The following NAT1 variants were observed in gnomAD, a reference collection of about 807,000 sequenced individuals.
NAT1 encodes the protein N-acetyltransferase 1, also known as arylamine N-acetyltransferase 1.
For missense variants in NAT1, 400 were observed against 339.2 expected (o/e 1.18, Z -1.41); for synonymous variants, 144 against 122.6 (o/e 1.17, Z -1.16).
At chr8:18,198,796 T>C (rs1172040288) in intron 2 of NAT1, among the ~76,000 whole-genome samples, 2 of 152,182 alleles carry the variant, frequency 1.3e-5, no homozygotes. Context: ...CACAGTGAAA[T>C]GGTCACTTCT....
chr8:18,178,846 G>A (rs1802393004), intron 2 of NAT1, among the ~76,000 whole-genome samples: 1 of 152,038 alleles, frequency 6.6e-6, no homozygotes, highest in Admixed American at 6.6e-5. Flanking sequence ...TCAAATTCTA[G>A]AGTTTAGCTG....
intron 2 of NAT1, among the ~76,000 whole-genome samples, chr8:18,180,848 T>G (rs1325264637): frequency 6.6e-6 from 1 of 152,192 alleles, no homozygotes; most frequent in African/African-American, 2.4e-5. Flanking sequence ...TTCTTTGTTC[T>G]GCTCCATTAG....
intron 2 of NAT1, among the ~76,000 whole-genome samples, chr8:18,193,148 G>A (rs1330810462): frequency 7.4e-6 from 1 of 136,054 alleles, no homozygotes; most frequent in African/African-American, 2.8e-5. Context: ...ATGCAATCAC[G>A]GCTCACTGTA....
chr8:18,211,671 G>C (rs1055078252), intron 1 of NAT1, among the ~76,000 whole-genome samples: 1 of 152,162 alleles, frequency 6.6e-6, no homozygotes, highest in Non-Finnish European at 1.5e-5. Flanking sequence ...GATGGTCTTT[G>C]GGTGCGGCTA....
intron 1 of NAT1, among the ~76,000 whole-genome samples, chr8:18,217,264 G>C (rs901432671): frequency 6.6e-6 from 1 of 152,072 alleles, no homozygotes; most frequent in Non-Finnish European, 1.5e-5. Context: ...TCTTAGTGAT[G>C]GGCATTGGGA....
rs199781371 is a variant in NAT1, at chr8:18,172,210, A to AAC, written n.92+1474_92+1475dup. On this transcript the variant is annotated intron_variant and non_coding_transcript_variant, in intron 2 of 4. Transcript: ENST00000517441. Reference sequence around the variant, plus strand: ...CTTTGTGTTAATGGGTCTTAAGCCAAACACTAGAAGAAGAGAATAGCAGGC... The same window carrying AAC: ...CTTTGTGTTAATGGGTCTTAAGCCAAACACACTAGAAGAAGAGAATAGCAGGC... Among the ~76,000 whole-genome samples, 1,262 of 152,286 alleles carry AAC rather than the reference A, an allele frequency of 8.3e-3. 15 individuals carry two copies. The highest frequency in any genetic ancestry group is 0.029 in the African/African-American group (1,193 of 41,562).
chr8:18,192,353 C>G (rs147412111), intron 2 of NAT1, among the ~76,000 whole-genome samples: 1 of 152,090 alleles, frequency 6.6e-6, no homozygotes, highest in African/African-American at 2.4e-5. Context: ...GGTGCTGGAG[C>G]GGATGGGGAG....
chr8:18,171,988 GCAAA>G (rs1802114162), intron 2 of NAT1, among the ~76,000 whole-genome samples: 1 of 152,120 alleles, frequency 6.6e-6, no homozygotes, highest in African/African-American at 2.4e-5. Context: ...CTGTCTTTCA[GCAAA>G]CAGACTAACA....
intron 2 of NAT1, among the ~76,000 whole-genome samples, chr8:18,198,519 A>T (rs1803329012): frequency 6.6e-6 from 1 of 152,340 alleles, no homozygotes; most frequent in South Asian, 2.1e-4. Flanking sequence ...TCCAGCAATA[A>T]ACACTATTTC....
intron 2 of NAT1, chr8:18,221,732 A>G: frequency 4.0e-6 from 1 of 247,260 alleles, no homozygotes. Context: ...AAAGGATACC[A>G]GTTGGAATCT....
intron 2 of NAT1, among the ~76,000 whole-genome samples, chr8:18,202,610 G>A (rs974040751): frequency 6.6e-6 from 1 of 152,128 alleles, no homozygotes; most frequent in Non-Finnish European, 1.5e-5. Context: ...CAGGAGTGAA[G>A]CTGTAGACCT....
upstream of NAT1, among the ~76,000 whole-genome samples, chr8:18,207,574 T>G (rs189985069): frequency 1.3e-5 from 2 of 152,164 alleles, no homozygotes; most frequent in Admixed American, 1.3e-4. Context: ...AGATACCATC[T>G]CTTGCCAGTC....
At chr8:18,188,426 T>C (rs1411996291) in intron 2 of NAT1, among the ~76,000 whole-genome samples, 1 of 152,096 alleles carries the variant, frequency 6.6e-6, no homozygotes, top group Admixed American at 6.6e-5. Flanking sequence ...TATTCCAGCA[T>C]GGGGGAGGAG....
chr8:18,193,604 A>G (rs1014982330), intron 2 of NAT1, among the ~76,000 whole-genome samples: 2 of 129,536 alleles, frequency 1.5e-5, no homozygotes, highest in African/African-American at 5.7e-5. Context: ...AAAACGGGAT[A>G]TTGTAATAAT....
At chr8:18,199,175 G>A (rs1386654672) in intron 2 of NAT1, among the ~76,000 whole-genome samples, 3 of 151,898 alleles carry the variant, frequency 2.0e-5, no homozygotes, top group African/African-American at 7.3e-5. Flanking sequence ...TTAGCCAGGT[G>A]TGGTGGCGCA....
chr8:18,217,015 A>T, intron 1 of NAT1: 1 of 1,512,354 alleles, frequency 6.6e-7, no homozygotes, highest in South Asian at 1.2e-5. Context: ...TGGATGCAGT[A>T]CCTCCAGTTT....
intron 2 of NAT1, among the ~76,000 whole-genome samples, chr8:18,171,373 T>C (rs1370166597): frequency 8.3e-6 from 1 of 120,188 alleles, no homozygotes; most frequent in Non-Finnish European, 1.9e-5. Flanking sequence ...ACTAAATTAA[T>C]CCAAATTGCC....
intron 2 of NAT1, among the ~76,000 whole-genome samples, chr8:18,171,176 G>A (rs545656541): frequency 6.6e-6 from 1 of 152,228 alleles, no homozygotes; most frequent in South Asian, 2.1e-4. Context: ...GAACTCAACT[G>A]GGCTCTGTAG....
chr8:18,177,898 C>G (rs1802351062), intron 2 of NAT1, among the ~76,000 whole-genome samples: 1 of 152,062 alleles, frequency 6.6e-6, no homozygotes, highest in South Asian at 2.1e-4. Context: ...AAGGACCCTT[C>G]CAGTTTTGAG....
Sources: gnomAD v4.1 joint callset for allele counts (sites outside exome capture counted in the v4.1 genomes callset) on GRCh38, gnomAD v4.1.1 for gene constraint, MANE v1.5 for transcripts, NCBI Gene and HGNC (gene_info 2026-07-23, HGNC 2026-07-21) for gene names.